Variants in ZBTB16 observed in about 807,000 individuals in gnomAD.
The protein encoded by ZBTB16 is zinc finger and BTB domain containing 16, also known as zinc finger and BTB domain-containing protein 16.
ZBTB16 carries 8 observed loss-of-function variants against 56.8 expected under a neutral mutation model. The observed-to-expected ratio is 0.14, with a 90% CI of 0.08 to 0.25. The LOEUF is 0.25. Ranked by LOEUF, ZBTB16 falls within the 10% of genes least tolerant of loss-of-function variation. ZBTB16 has a pLI of 1.00. For synonymous variants in ZBTB16, 363 were observed against 368.5 expected (o/e 0.98, Z 0.17); for missense variants, 625 against 903.0 (o/e 0.69, Z 3.95).
chr11:114,117,675 G>A (rs965181461), intron 2 of ZBTB16, among the ~76,000 whole-genome samples: 2 of 152,138 alleles, frequency 1.3e-5, no homozygotes, highest in Non-Finnish European at 2.9e-5. Context: ...GGAGGTCTTG[G>A]AAAAACTATA....
chr11:114,101,071 G>A (rs1591666145), intron 2 of ZBTB16, among the ~76,000 whole-genome samples: 1 of 152,164 alleles, frequency 6.6e-6, no homozygotes, highest in South Asian at 2.1e-4. Flanking sequence ...CATAATCTCG[G>A]CTCACTGCAA....
At position 114,154,697 on chromosome 11, in the gene ZBTB16, G is replaced by C. The variant is rs113653947; in HGVS notation, c.1269-1640G>C. Among the ~76,000 whole-genome samples the C allele has an allele frequency of 4.2e-3, 634 of 152,180 alleles. 7 individuals are homozygous for C. The highest frequency in any genetic ancestry group is 4.9e-3 in the Non-Finnish European group (330 of 68,000). On this transcript the variant is annotated intron_variant, in intron 2 of 6. Transcript: ENST00000335953. Reference sequence around the variant, plus strand: ...AGCATGGCAAGGAGCAAGAGAACATGGGGGGGTGGTACCCCTACAGTGTCA... The same window carrying C: ...AGCATGGCAAGGAGCAAGAGAACATCGGGGGGTGGTACCCCTACAGTGTCA...
intron 3 of ZBTB16, among the ~76,000 whole-genome samples, chr11:114,160,469 T>C (rs1164379448): frequency 6.6e-6 from 1 of 152,202 alleles, no homozygotes; most frequent in Admixed American, 6.5e-5. Flanking sequence ...GAAATCAGCC[T>C]GCAGGAGATC....
chr11:114,165,271 C>A (rs528922), intron 3 of ZBTB16, among the ~76,000 whole-genome samples: 17,470 of 152,244 alleles, frequency 0.11, 1,198 homozygotes, highest in African/African-American at 0.19. Flanking sequence ...CTCTCAGGGG[C>A]CAGAGTGGGG....
intron 2 of ZBTB16, among the ~76,000 whole-genome samples, chr11:114,111,644 C>T (rs1407775306): frequency 6.6e-6 from 1 of 152,140 alleles, no homozygotes; most frequent in Non-Finnish European, 1.5e-5. Flanking sequence ...ATGCAGAGAC[C>T]ACCATGTCCT....
intron 2 of ZBTB16, among the ~76,000 whole-genome samples, chr11:114,079,728 C>T (rs537773935): frequency 2.6e-5 from 4 of 152,258 alleles, no homozygotes; most frequent in Admixed American, 6.5e-5. Context: ...GTGTCTGACT[C>T]GGAAGGCAGA....
intron 2 of ZBTB16, among the ~76,000 whole-genome samples, chr11:114,100,672 C>G (rs912005893): frequency 6.6e-6 from 1 of 152,090 alleles, no homozygotes; most frequent in Non-Finnish European, 1.5e-5. Flanking sequence ...TTTCCTCTTG[C>G]GTTTACTCAG....
chr11:114,079,606 C>T (rs115907631), intron 2 of ZBTB16, among the ~76,000 whole-genome samples: 159 of 152,308 alleles, frequency 1.0e-3, no homozygotes, highest in African/African-American at 3.4e-3. Context: ...AAGTGTGTGC[C>T]GCATTCTTTT....
At chr11:114,101,613 C>T (rs1199641338) in intron 2 of ZBTB16, among the ~76,000 whole-genome samples, 1 of 152,140 alleles carries the variant, frequency 6.6e-6, no homozygotes, top group South Asian at 2.1e-4. Context: ...ATTTTGTGTC[C>T]TTAGCCCCAT....
rs185895661 is a variant in ZBTB16, at chr11:114,248,939, G to C, written c.1793-1387G>C. On this transcript the variant is annotated intron_variant, in intron 6 of 6. Transcript: ENST00000335953. Reference sequence around the variant, plus strand: ...CTTCATTATTTGCTGGGGCCTGTGCGCGGGGGAGTATTGATAGCGAGATGG... The same window carrying C: ...CTTCATTATTTGCTGGGGCCTGTGCCCGGGGGAGTATTGATAGCGAGATGG... Among the ~76,000 whole-genome samples, 580 of 152,292 alleles carry C rather than the reference G, an allele frequency of 3.8e-3. 4 individuals carry two copies. The highest frequency in any genetic ancestry group is 5.4e-3 in the Non-Finnish European group (367 of 68,024).
At chr11:114,150,823 C>T (rs1163420514) in intron 2 of ZBTB16, among the ~76,000 whole-genome samples, 2 of 152,176 alleles carry the variant, frequency 1.3e-5, no homozygotes, top group African/African-American at 4.8e-5. Flanking sequence ...GCTTAAGAGT[C>T]GGTTGCTTTT....
At chr11:114,132,717 A>G (rs1371144361) in intron 2 of ZBTB16, among the ~76,000 whole-genome samples, 1 of 152,184 alleles carries the variant, frequency 6.6e-6, no homozygotes, top group Non-Finnish European at 1.5e-5. Context: ...CATCTCGAGC[A>G]TTGTTCATGA....
intron 2 of ZBTB16, among the ~76,000 whole-genome samples, chr11:114,098,541 T>TAA (rs5794903): frequency 6.9e-6 from 1 of 144,002 alleles, no homozygotes; most frequent in African/African-American, 2.6e-5. Flanking sequence ...TGACTTAAAT[T>TAA]AAAAAAAAAA....
intron 3 of ZBTB16, among the ~76,000 whole-genome samples, chr11:114,159,376 C>T (rs1489098934): frequency 3.3e-5 from 5 of 152,142 alleles, no homozygotes; most frequent in Non-Finnish European, 5.9e-5. Context: ...CTTGCCAATG[C>T]CCTTGGAAAG....
At chr11:114,067,808 A>G (rs1199502854) in intron 2 of ZBTB16, among the ~76,000 whole-genome samples, 1 of 152,134 alleles carries the variant, frequency 6.6e-6, no homozygotes, top group East Asian at 1.9e-4. Context: ...GTCTAAAGAA[A>G]TCAGAAAGGG....
rs568808003 is a variant in ZBTB16 at position 114,210,205 on chromosome 11, G to A, written c.1453+23167G>A. On this transcript the variant is annotated intron_variant, in intron 4 of 6. Coordinates refer to ENST00000335953, the MANE Select transcript of ZBTB16 (RefSeq NM_006006.6). ...TGTGTGTGTGTGTGCGTGCGCGCGC[G>A]TGCACAGTTTGTGAGTGTCGGGTTC... Among the ~76,000 whole-genome samples, 118 of 146,984 alleles carry A rather than the reference G, an allele frequency of 8.0e-4. 1 individual carries two copies. The highest frequency in any genetic ancestry group is 4.0e-4 in the Non-Finnish European group (26 of 65,066).
At chr11:114,146,656 G>T (rs776313651) in intron 2 of ZBTB16, among the ~76,000 whole-genome samples, 2 of 151,914 alleles carry the variant, frequency 1.3e-5, no homozygotes, top group African/African-American at 4.8e-5. Context: ...AGACAGCCTG[G>T]CCAATGCGGT....
In ZBTB16 at chr11:114,182,125, C is replaced by T. The variant is rs563886273; in HGVS notation, c.1367-4827C>T. On this transcript the variant is annotated intron_variant, in intron 3 of 6. Transcript: ENST00000335953. ...GGAGTGCAATGGTGTGATCTCAGCTCACTGCAACCTCTGCCTTCCGGGCTC... is the reference window on the plus strand; with the variant it reads ...GGAGTGCAATGGTGTGATCTCAGCTTACTGCAACCTCTGCCTTCCGGGCTC... Among the ~76,000 whole-genome samples, 4 of 152,320 alleles carry T rather than the reference C, an allele frequency of 2.6e-5. No individual in the cohort carries two copies. In the East Asian group the frequency reaches 7.7e-4, roughly 29 times the overall value.
intron 2 of ZBTB16, among the ~76,000 whole-genome samples, chr11:114,087,291 A>G (rs1186428291): frequency 6.6e-6 from 1 of 152,044 alleles, no homozygotes; most frequent in Non-Finnish European, 1.5e-5. Flanking sequence ...TCCACAAGCA[A>G]CCCTCTGTGG....
Sources: allele counts gnomAD v4.1 joint callset (sites outside exome capture counted in the v4.1 genomes callset), GRCh38; gene constraint gnomAD v4.1.1; transcripts MANE v1.5; gene names NCBI Gene and HGNC (gene_info 2026-07-23, HGNC 2026-07-21).